Variants in ANKAR observed in about 807,000 individuals in gnomAD.
ANKAR encodes ankyrin and armadillo repeat-containing protein.
In ANKAR, 136 loss-of-function variants were observed where a neutral mutation model predicts 146.2. The ratio of observed to expected loss-of-function variants is 0.93; its 90% CI spans 0.81 to 1.07. The LOEUF is 1.07. ANKAR is among the 50% of genes least tolerant of loss of function. ANKAR has a pLI of 0.00. For missense variants in ANKAR, 1,567 were observed against 1,679.9 expected, an observed-to-expected ratio of 0.93 and a Z score of 1.18; for synonymous variants, 500 against 575.8, an observed-to-expected ratio of 0.87 and a Z score of 1.88.
chr2:189,737,533 G>A (rs1429934271), intron 17 of ANKAR, 150 bp from the exon 18 acceptor site: 26 of 648,246 alleles, frequency 4.0e-5, no homozygotes, highest in Non-Finnish European at 5.8e-5. Flanking sequence ...ACATTCTAGA[G>A]TAACTATTAT....
intron 14 of ANKAR, 52 bp downstream of exon 14, chr2:189,728,472 CTG>C (rs1400869615): frequency 6.5e-7 from 1 of 1,539,250 alleles, no homozygotes; most frequent in East Asian, 2.3e-5. Context: ...GGATCTTGCT[CTG>C]TTGCCCAGCC....
At position 189,738,632 on chromosome 2, in the gene ANKAR, T is replaced by C; in HGVS notation, c.3650T>C (p.Ile1217Thr). The C allele has an allele frequency of 6.2e-7, 1 of 1,612,558 alleles. No homozygotes were observed. The highest frequency in any genetic ancestry group is 1.1e-5 in the South Asian group (1 of 90,958). The change falls in exon 19 of 23, where the codon ATT (isoleucine) becomes ACT (threonine). Residue 1217 changes from isoleucine (I) to threonine (T), a missense_variant. Coordinates refer to ENST00000684021, the MANE Select transcript of ANKAR (RefSeq NM_001378068.1). ...ACTTTGTCTGCAAGAGGTGTTACTA[T>C]TTTAGTTGATAGTCTGTATTCAGTT... Reference protein sequence around the residue: ...HITLSARGVTILVDSLYSVQT... With the variant: ...HITLSARGVTTLVDSLYSVQT...
At position 189,729,827 on chromosome 2, in the gene ANKAR, T is replaced by C. The variant is rs1168917232; in HGVS notation, c.3194-668T>C. Among the ~76,000 whole-genome samples, 4 of 152,218 alleles carry C rather than the reference T, an allele frequency of 2.6e-5. No individual in the cohort carries two copies. In the East Asian group the frequency reaches 7.7e-4, roughly 29 times the overall value. On this transcript the variant is annotated intron_variant, in intron 15 of 22. Transcript: ENST00000684021. Reference sequence around the variant, plus strand: ...TTGTTCACTGAGAGGCTCAATCTTATATTTAACCCATTTATTTAGGGTTAA... The same window carrying C: ...TTGTTCACTGAGAGGCTCAATCTTACATTTAACCCATTTATTTAGGGTTAA...
chr2:189,693,915 A>G (rs899884227), intron 5 of ANKAR, among the ~76,000 whole-genome samples: 2 of 151,798 alleles, frequency 1.3e-5, no homozygotes, highest in Non-Finnish European at 2.9e-5. Context: ...TGCCTGGCTA[A>G]TTTTTGTATT....
At chr2:189,732,659 TAAAAAAAAAAA>T (rs10707585) in intron 16 of ANKAR, among the ~76,000 whole-genome samples, 1 of 50,390 alleles carries the variant, frequency 2.0e-5, no homozygotes, top group Admixed American at 2.5e-4. Context: ...AGACTCCATC[TAAAAAAAAAAA>T]AAAAAAAAAA....
rs185400682 is a variant in ANKAR at position 189,695,336 on chromosome 2, G to C, written c.1488+175G>C. Reference sequence around the variant, plus strand: ...TACAATTCTGGATTATAAATTTCTGGCAGAGTACCTGTTAATGCACTGGAT... The same window carrying C: ...TACAATTCTGGATTATAAATTTCTGCCAGAGTACCTGTTAATGCACTGGAT... On this transcript the variant is annotated intron_variant, in intron 6 of 22. Transcript: ENST00000684021. Among the ~76,000 whole-genome samples the C allele has an allele frequency of 1.4e-4, 22 of 152,280 alleles. No individual in the cohort carries two copies. In the East Asian group the frequency reaches 1.9e-3, roughly 13 times the overall value.
At chr2:189,696,639 G>A (rs563771801) in intron 7 of ANKAR, among the ~76,000 whole-genome samples, 52 of 152,252 alleles carry the variant, frequency 3.4e-4, no homozygotes, top group South Asian at 1.2e-3. Flanking sequence ...TTTATTTGCC[G>A]TGGTATACTA....
At chr2:189,749,847 CT>C (rs2044843691), downstream of ANKAR, among the ~76,000 whole-genome samples, 1 of 152,168 alleles carries the variant, frequency 6.6e-6, no homozygotes, top group South Asian at 2.1e-4. Context: ...TCTAAAATTG[CT>C]CTCTTGAGCA....
chr2:189,730,782 T>A (rs1207759733), intron 16 of ANKAR, among the ~76,000 whole-genome samples, 181 bp downstream of exon 16: 2 of 152,150 alleles, frequency 1.3e-5, no homozygotes, highest in Admixed American at 1.3e-4. Context: ...CCTAGAAGTT[T>A]TAAAAAGGTT....
intron 8 of ANKAR, among the ~76,000 whole-genome samples, chr2:189,706,384 TCAACAA>T (rs529179927): frequency 1.6e-4 from 24 of 151,210 alleles, no homozygotes; most frequent in Admixed American, 2.6e-4. Context: ...AGACTCCATC[TCAACAA>T]CAACAACAAC....
chr2:189,718,942 G>T (rs1256569451), intron 10 of ANKAR, among the ~76,000 whole-genome samples: 1 of 150,888 alleles, frequency 6.6e-6, no homozygotes, highest in African/African-American at 2.4e-5. Context: ...GTAGAGACGG[G>T]GTTTCACCTT....
chr2:189,742,973 CA>C (rs1559148039), intron 20 of ANKAR, among the ~76,000 whole-genome samples: 35 of 123,666 alleles, frequency 2.8e-4, no homozygotes, highest in East Asian at 9.7e-4. Flanking sequence ...CACACACACA[CA>C]CACACACCCC....
chr2:189,711,018 C>T (rs367730802), intron 9 of ANKAR, 31 bp from the exon 10 acceptor site: 1 of 1,571,802 alleles, frequency 6.4e-7, no homozygotes, highest in African/African-American at 1.4e-5. Context: ...GTGCAAATTA[C>T]AGCTGTGTTT....
chr2:189,762,587 C>T, downstream of ANKAR: 1 of 985,460 alleles, frequency 1.0e-6, no homozygotes, highest in Non-Finnish European at 1.2e-6. Flanking sequence ...TAGCGCTGGT[C>T]TCCTGTCGGC....
chr2:189,732,708 C>T (rs1574696199), intron 16 of ANKAR, among the ~76,000 whole-genome samples: 1 of 143,890 alleles, frequency 6.9e-6, no homozygotes, highest in Non-Finnish European at 1.5e-5. Flanking sequence ...AGCCTTACAA[C>T]TCAATGGTCA....
chr2:189,753,305 G>GA (rs1183749707), intron 18 of ANKAR, among the ~76,000 whole-genome samples: 1 of 151,938 alleles, frequency 6.6e-6, no homozygotes, highest in Non-Finnish European at 1.5e-5. Context: ...ACATAACTCT[G>GA]AAAAAATTAT....
chr2:189,761,347 T>C (rs1379775320), downstream of ANKAR: 6 of 1,499,270 alleles, frequency 4.0e-6, no homozygotes, highest in Non-Finnish European at 5.3e-6. Flanking sequence ...AAAACTTTTA[T>C]ATATGACAAA....
chr2:189,744,741 G>A lies in ANKAR; in HGVS notation c.4011-1G>A. 2 of 1,589,244 alleles carry A rather than the reference G, an allele frequency of 1.3e-6. No homozygotes were observed. Among genetic ancestry groups the A allele is most frequent in the Middle Eastern group, 1.7e-4 (1 of 5,970 alleles). On this transcript the variant is annotated splice_acceptor_variant, in intron 21 of 22. Coordinates refer to ENST00000684021, the MANE Select transcript of ANKAR (RefSeq NM_001378068.1). LOFTEE classifies it high-confidence loss of function. ...TAATGACAAAAATGTTTTCCTTTTA[G>A]TCTGGAGAAGAATGGAGGACCATCC...
At chr2:189,710,957 G>T in intron 9 of ANKAR, 92 bp from the exon 10 acceptor site, 2 of 1,042,572 alleles carry the variant, frequency 1.9e-6, no homozygotes, top group Non-Finnish European at 2.9e-6. Context: ...CTCAACTGTT[G>T]GTTTTATTTA....
Sources: allele counts gnomAD v4.1 joint callset (sites outside exome capture counted in the v4.1 genomes callset), GRCh38; gene constraint gnomAD v4.1.1; transcripts MANE v1.5; gene names NCBI Gene and HGNC (gene_info 2026-07-23, HGNC 2026-07-21).